The following GEN1 variants were observed in gnomAD, a reference collection of about 807,000 sequenced individuals.
GEN1 encodes GEN1 structure-specific endonuclease.
In GEN1, 64 loss-of-function variants were observed where a neutral mutation model predicts 67.6. The ratio of observed to expected loss-of-function variants is 0.95; its 90% CI spans 0.77 to 1.17. The LOEUF (loss-of-function observed/expected upper bound fraction) is 1.17, where lower values mean the gene tolerates loss of function less well. Among genes scored for constraint, GEN1 ranks in the 50% most tolerant of loss-of-function variants. The pLI is 0.00. For synonymous variants in GEN1, 371 were observed against 359.4 expected, an observed-to-expected ratio of 1.03 and a Z score of -0.37; for missense variants, 1,058 against 1,048.3, an observed-to-expected ratio of 1.01 and a Z score of -0.13.
chr2:17,767,151 C>T (rs576136192), intron 5 of GEN1, among the ~76,000 whole-genome samples: 6 of 152,196 alleles, frequency 3.9e-5, no homozygotes, highest in Admixed American at 1.3e-4. Context: ...TGCCTCTCAG[C>T]GTTGTGCTGG....
intron 6 of GEN1, among the ~76,000 whole-genome samples, chr2:17,769,874 T>C (rs1241702532): frequency 6.6e-6 from 1 of 152,090 alleles, no homozygotes; most frequent in Non-Finnish European, 1.5e-5. Flanking sequence ...CTTAAAACAG[T>C]CTTGGCCTCC....
At chr2:17,762,429 G>A (rs1157251984) in intron 3 of GEN1, among the ~76,000 whole-genome samples, 4 of 151,606 alleles carry the variant, frequency 2.6e-5, no homozygotes. Flanking sequence ...GAATGGTCTC[G>A]ATCTCCTGAC....
chr2:17,765,535 A>G (rs1671888283), intron 4 of GEN1, among the ~76,000 whole-genome samples: 1 of 152,214 alleles, frequency 6.6e-6, no homozygotes, highest in Non-Finnish European at 1.5e-5. Flanking sequence ...AGTTGGAGAG[A>G]TACTGCTGGG....
intron 5 of GEN1, among the ~76,000 whole-genome samples, chr2:17,768,085 G>A (rs77696031): frequency 1.3e-3 from 195 of 152,310 alleles, no homozygotes; most frequent in Non-Finnish European, 2.3e-3. Context: ...TTACTAACCA[G>A]TTAACACGAG....
At position 17,761,512 on chromosome 2, in the gene GEN1, G is replaced by C. The variant is rs777769429; in HGVS notation, c.278G>C (p.Arg93Pro). The C allele has an allele frequency of 3.1e-6, 5 of 1,613,200 alleles. No individual in the cohort carries two copies. The highest frequency in any genetic ancestry group is 4.2e-6 in the Non-Finnish European group (5 of 1,179,362). Residue 93 changes from arginine to proline, a missense_variant, in exon 3 of 14, where the codon CGG becomes CCG. Arg to Pro is a moderately radical substitution (Grantham distance 103, BLOSUM62 -2). Transcript: ENST00000381254. ...ADVISKRNQS[R>P]YGSSGKSWSQ... is the part of the protein sequence containing the mutation. Reference sequence around the variant, plus strand: ...GTCATAAGCAAGAGGAATCAGTCTCGGTATGGGTCTTCTGGAAAATCGTGG... The same window carrying C: ...GTCATAAGCAAGAGGAATCAGTCTCCGTATGGGTCTTCTGGAAAATCGTGG...
chr2:17,776,670 A>G lies in GEN1; in HGVS notation c.1203-1332A>G, dbSNP rs137868545. Among the ~76,000 whole-genome samples, 1,049 of 152,358 alleles carry G rather than the reference A, an allele frequency of 6.9e-3. 10 individuals carry two copies. The highest frequency in any genetic ancestry group is 0.024 in the South Asian group (118 of 4,826). On this transcript the variant is annotated intron_variant, in intron 11 of 13. Coordinates refer to ENST00000381254, the MANE Select transcript of GEN1 (RefSeq NM_001130009.3). The stretch of plus-strand genomic sequence containing the variant: ...AAAGATCAGCTATCTGATAGCACAC[A>G]TCTTTCATAACCGTAATAGATGCCA...
rs969321141 is a variant in GEN1 at position 17,786,403 on chromosome 2, T to G, written c.*4464T>G. 1 of 152,208 alleles carries G rather than the reference T, an allele frequency of 6.6e-6. No individual in the cohort carries two copies. The highest frequency in any genetic ancestry group is 1.9e-4 in the East Asian group (1 of 5,204). 9.4% of individuals were successfully genotyped at this position (152,208 alleles called of 1,614,324 possible). On this transcript the variant is annotated 3_prime_UTR_variant, in exon 14 of 14. Transcript: ENST00000381254. Reference sequence around the variant, plus strand: ...TAGCATCACACAAGGGATCCTAACGTGGCATTTGAGCTACTGGAAAAAAAT... The same window carrying G: ...TAGCATCACACAAGGGATCCTAACGGGGCATTTGAGCTACTGGAAAAAAAT...
upstream of GEN1, chr2:17,753,998 A>T (rs1316070256): frequency 6.6e-6 from 1 of 152,308 alleles, no homozygotes; most frequent in Non-Finnish European, 1.5e-5. Context: ...AAAGGGAAAG[A>T]TAATTGAGCG....
chr2:17,768,208 T>C (rs1672019749), intron 5 of GEN1, among the ~76,000 whole-genome samples: 1 of 152,216 alleles, frequency 6.6e-6, no homozygotes, highest in Admixed American at 6.5e-5. Context: ...GACAGGAATA[T>C]ACATTAAGGC....
intron 7 of GEN1, among the ~76,000 whole-genome samples, 189 bp downstream of exon 7, chr2:17,771,476 T>G (rs910656640): frequency 5.9e-5 from 9 of 152,158 alleles, no homozygotes; most frequent in African/African-American, 2.2e-4. Flanking sequence ...AAATGTTTAT[T>G]GAAACCAATA....
At chr2:17,764,222 G>A (rs1398803553) in intron 3 of GEN1, among the ~76,000 whole-genome samples, 3 of 152,110 alleles carry the variant, frequency 2.0e-5, no homozygotes, top group Non-Finnish European at 4.4e-5. Flanking sequence ...CCCACAATAC[G>A]AGAGTTTCAT....
At chr2:17,778,886 T>G (rs765537676) in intron 12 of GEN1, among the ~76,000 whole-genome samples, 3 of 152,096 alleles carry the variant, frequency 2.0e-5, no homozygotes, top group Admixed American at 1.3e-4. Context: ...GCTCCCAAAC[T>G]GGAGATAGTG....
At chr2:17,753,501 G>C (rs1414651565), upstream of GEN1, 1 of 152,368 alleles carries the variant, frequency 6.6e-6, no homozygotes, top group Admixed American at 6.5e-5. Context: ...GGACGACCAT[G>C]AACACCGCCG....
At chr2:17,775,051 TCAA>T (rs1211188328) in intron 11 of GEN1, among the ~76,000 whole-genome samples, 2 of 152,148 alleles carry the variant, frequency 1.3e-5, no homozygotes, top group Admixed American at 1.3e-4. Flanking sequence ...ATTTTTAAAA[TCAA>T]CAATTGCGTC....
At chr2:17,773,034 A>G in intron 8 of GEN1, 62 bp from the exon 9 acceptor site, 1 of 1,075,030 alleles carries the variant, frequency 9.3e-7, no homozygotes. Flanking sequence ...ATTGGCTGAG[A>G]TGATTTCAGA....
intron 10 of GEN1, among the ~76,000 whole-genome samples, chr2:17,773,578 G>A (rs1160724143): frequency 6.6e-6 from 1 of 152,010 alleles, no homozygotes; most frequent in Admixed American, 6.6e-5. Context: ...TTAATAACAA[G>A]AGAATGTTAA....
chr2:17,781,193 C>T lies in GEN1; in HGVS notation c.1981C>T (p.Leu661Phe), dbSNP rs1322007623. Residue 661 changes from leucine (L) to phenylalanine (F), a missense_variant, in exon 14 of 14, where the codon CTT becomes TTT. Transcript: ENST00000381254. ...TGGGATTAGTCCTGAAGAGCATCTA[C>T]TTTCTGGCATTACTGATTTATGTCT... ...SDGISPEEHL[L>F]SGITDLCLQD... The T allele has an allele frequency of 1.2e-5, 20 of 1,613,778 alleles. No individual in the cohort carries two copies. The East Asian group carries it at 3.6e-4, about 29-fold the overall frequency.
At chr2:17,771,920 T>A (rs1672209339) in intron 7 of GEN1, among the ~76,000 whole-genome samples, 1 of 152,004 alleles carries the variant, frequency 6.6e-6, no homozygotes, top group African/African-American at 2.4e-5. Context: ...AATATATTTT[T>A]ATTAACATTA....
At chr2:17,769,611 A>C (rs1004482434) in intron 6 of GEN1, among the ~76,000 whole-genome samples, 1 of 152,226 alleles carries the variant, frequency 6.6e-6, no homozygotes, top group Admixed American at 6.5e-5. Flanking sequence ...ATAATAAGCA[A>C]CATTAATTGA....
Sources: gnomAD v4.1 joint callset for allele counts (sites outside exome capture counted in the v4.1 genomes callset) on GRCh38, gnomAD v4.1.1 for gene constraint, MANE v1.5 for transcripts, NCBI Gene and HGNC (gene_info 2026-07-23, HGNC 2026-07-21) for gene names.